Variants in PRDM16 observed in about 807,000 individuals in gnomAD.
PRDM16 encodes the protein histone-lysine N-methyltransferase PRDM16.
A neutral mutation model predicts 110.6 loss-of-function variants in PRDM16; 23 were observed. That is an observed-to-expected ratio of 0.21 (90% CI 0.15 to 0.29). PRDM16 has a LOEUF of 0.29. Ranked by LOEUF, PRDM16 falls within the 10% of genes least tolerant of loss-of-function variation. The probability of loss-of-function intolerance (pLI) is 1.00; values close to 1 mark genes in which losing one functional copy is unlikely to be tolerated. For synonymous variants in PRDM16, 799 were observed against 781.8 expected (o/e 1.02, Z -0.37); for missense variants, 1,615 against 1,794.3 (o/e 0.90, Z 1.81).
chr1:3,188,360 G>A (rs893079410), intron 2 of PRDM16, among the ~76,000 whole-genome samples: 1 of 152,138 alleles, frequency 6.6e-6, no homozygotes, highest in African/African-American at 2.4e-5. Flanking sequence ...TCTGATACAA[G>A]TTTCTATTTG....
chr1:3,371,356 A>G (rs570772601), intron 3 of PRDM16, among the ~76,000 whole-genome samples: 2 of 148,402 alleles, frequency 1.3e-5, no homozygotes, highest in Admixed American at 1.3e-4. Context: ...CCATCCATCC[A>G]TTCATCCATT....
chr1:3,369,024 AT>A (rs1456211281), intron 3 of PRDM16, among the ~76,000 whole-genome samples: 1 of 152,124 alleles, frequency 6.6e-6, no homozygotes, highest in African/African-American at 2.4e-5. Flanking sequence ...TTAATAAACC[AT>A]TTTGATTCTA....
chr1:3,279,545 G>A (rs1358666014), intron 3 of PRDM16, among the ~76,000 whole-genome samples: 5 of 152,252 alleles, frequency 3.3e-5, no homozygotes, highest in Non-Finnish European at 5.9e-5. Context: ...GAGACCCCTT[G>A]TGACTGGGCT....
chr1:3,198,249 A>G (rs1259490413), intron 2 of PRDM16, among the ~76,000 whole-genome samples: 1 of 152,206 alleles, frequency 6.6e-6, no homozygotes. Flanking sequence ...AGGTCGGCGC[A>G]GGGCAGCGTC....
intron 4 of PRDM16, 45 bp downstream of exon 4, chr1:3,385,331 C>T: frequency 2.5e-5 from 40 of 1,602,376 alleles, no homozygotes; most frequent in Non-Finnish European, 3.4e-5. Flanking sequence ...TTGGAATTGT[C>T]CCTGAGGATG....
intron 1 of PRDM16, among the ~76,000 whole-genome samples, chr1:3,181,500 G>GGCCTTACACACGCA (rs1553141103): frequency 1.2e-4 from 4 of 34,124 alleles, no homozygotes; most frequent in African/African-American, 2.1e-4. Flanking sequence ...CCTTACGCAT[G>GGCCTTACACACGCA]GTCTTACACA....
At chr1:3,186,690 C>T in intron 2 of PRDM16, 1 of 482,026 alleles carries the variant, frequency 2.1e-6, no homozygotes, top group Non-Finnish European at 3.6e-6. Context: ...GCCCTGTAGG[C>T]CACGCCCACT....
intron 4 of PRDM16, among the ~76,000 whole-genome samples, chr1:3,393,638 C>T (rs2100623030): frequency 6.6e-6 from 1 of 152,302 alleles, no homozygotes; most frequent in East Asian, 1.9e-4. Flanking sequence ...CGGGAAGTCG[C>T]CTGACCCCGC....
intron 1 of PRDM16, among the ~76,000 whole-genome samples, chr1:3,110,957 G>T (rs942806842): frequency 1.3e-5 from 2 of 152,222 alleles, no homozygotes; most frequent in African/African-American, 4.8e-5. Context: ...GAGATTGCCC[G>T]GTTCTGGGCA....
chr1:3,356,399 C>T (rs1283801813), intron 3 of PRDM16, among the ~76,000 whole-genome samples: 3 of 152,188 alleles, frequency 2.0e-5, no homozygotes, highest in African/African-American at 7.2e-5. Flanking sequence ...GGAGGTCCGA[C>T]GCCGTGTCCA....
chr1:3,151,984 C>T (rs1643782899), intron 1 of PRDM16, among the ~76,000 whole-genome samples: 1 of 152,250 alleles, frequency 6.6e-6, no homozygotes, highest in African/African-American at 2.4e-5. Flanking sequence ...GGAGTCTGCT[C>T]TGTCCTCTGC....
intron 1 of PRDM16, among the ~76,000 whole-genome samples, chr1:3,082,838 G>C (rs973519539): frequency 6.6e-6 from 1 of 152,338 alleles, no homozygotes; most frequent in South Asian, 2.1e-4. Context: ...CGATGGGGCC[G>C]GCGCCTGGGT....
At chr1:3,071,020 G>A (rs1027985660) in intron 1 of PRDM16, among the ~76,000 whole-genome samples, 2 of 152,254 alleles carry the variant, frequency 1.3e-5, no homozygotes, top group South Asian at 2.1e-4. Flanking sequence ...CTCCGCGCGT[G>A]GGGTGTGCGT....
chr1:3,191,942 T>G (rs1046802437), intron 2 of PRDM16, among the ~76,000 whole-genome samples: 9 of 152,256 alleles, frequency 5.9e-5, no homozygotes, highest in African/African-American at 2.2e-4. Context: ...GGGCCCCAAG[T>G]GCTGAGACCC....
chr1:3,222,975 T>C (rs1180901090), intron 2 of PRDM16, among the ~76,000 whole-genome samples: 1 of 151,808 alleles, frequency 6.6e-6, no homozygotes, highest in East Asian at 1.9e-4. Context: ...GGTCAAGACA[T>C]CCCCAGCTCC....
In PRDM16 at chr1:3,206,019, C is replaced by T. The variant is rs970214934; in HGVS notation, c.387+19545C>T. ...AGCAGCGCGCCCCAGCGCTGCCCTC[C>T]CAGCTGTGTGTGAGCGAGACCGGGG... On this transcript the variant is annotated intron_variant, in intron 2 of 16. Coordinates refer to ENST00000270722, the MANE Select transcript of PRDM16 (RefSeq NM_022114.4). The surrounding 1 kb of genome is among the most constrained non-coding windows in gnomAD (Gnocchi z 4.9). 1 of 152,316 alleles carries T rather than the reference C, an allele frequency of 6.6e-6. No homozygotes were observed. Among genetic ancestry groups the T allele is most frequent in the Non-Finnish European group, 1.5e-5 (1 of 68,092 alleles). The allele number at this position is 152,316 out of a possible 1,614,324, so 9.4% of individuals were successfully genotyped here.
intron 1 of PRDM16, among the ~76,000 whole-genome samples, chr1:3,167,421 G>A (rs1187831976): frequency 2.0e-5 from 3 of 152,110 alleles, no homozygotes; most frequent in Non-Finnish European, 2.9e-5. Flanking sequence ...GCTGGGGGCT[G>A]GAGGAGGTCC....
At chr1:3,323,829 T>C (rs906207827) in intron 3 of PRDM16, among the ~76,000 whole-genome samples, 6 of 152,256 alleles carry the variant, frequency 3.9e-5, no homozygotes, top group African/African-American at 1.4e-4. Flanking sequence ...TGACGGCTTA[T>C]GTAATGATGT....
chr1:3,320,362 G>A (rs1019635505), intron 3 of PRDM16, among the ~76,000 whole-genome samples: 1 of 152,216 alleles, frequency 6.6e-6, no homozygotes, highest in African/African-American at 2.4e-5. Flanking sequence ...ACACACTGGT[G>A]TGAACATGCA....
Sources: allele counts gnomAD v4.1 joint callset (sites outside exome capture counted in the v4.1 genomes callset), GRCh38; gene constraint gnomAD v4.1.1; non-coding constraint Gnocchi (gnomAD v3.1); transcripts MANE v1.5; gene names NCBI Gene and HGNC (gene_info 2026-07-23, HGNC 2026-07-21).